Variants in KALRN observed in about 807,000 individuals in gnomAD.
The protein encoded by KALRN is kalirin.
KALRN carries 70 observed loss-of-function variants against 353.7 expected under a neutral mutation model. The ratio of observed to expected loss-of-function variants is 0.20; its 90% CI spans 0.16 to 0.24. The LOEUF is 0.24. Ranked by LOEUF, KALRN falls within the 10% of genes least tolerant of loss-of-function variation. The probability of loss-of-function intolerance (pLI) is 1.00; values close to 1 mark genes in which losing one functional copy is unlikely to be tolerated. For missense variants in KALRN, 2,791 were observed against 3,756.7 expected, an observed-to-expected ratio of 0.74 and a Z score of 6.72; for synonymous variants, 1,391 against 1,434.8, an observed-to-expected ratio of 0.97 and a Z score of 0.69.
chr3:124,160,753 C>T (rs113712864), intron 1 of KALRN, among the ~76,000 whole-genome samples: 1 of 152,132 alleles, frequency 6.6e-6, no homozygotes, highest in African/African-American at 2.4e-5. Flanking sequence ...ACACTGGGAG[C>T]CTTCTCTGGA....
chr3:124,196,546 C>A (rs1170752943), intron 1 of KALRN, among the ~76,000 whole-genome samples: 2 of 142,388 alleles, frequency 1.4e-5, no homozygotes, highest in Non-Finnish European at 2.9e-5. Flanking sequence ...GTTGGTCTTT[C>A]TTTTCTTCAT....
chr3:124,669,339 G>GT (rs1449168598), intron 47 of KALRN, among the ~76,000 whole-genome samples: 1 of 152,172 alleles, frequency 6.6e-6, no homozygotes, highest in Non-Finnish European at 1.5e-5. Context: ...ATAAGACACT[G>GT]TATCGATCAG....
At chr3:124,423,325 T>C (rs761640155) in intron 15 of KALRN, among the ~76,000 whole-genome samples, 7 of 152,196 alleles carry the variant, frequency 4.6e-5, no homozygotes, top group Non-Finnish European at 8.8e-5. Flanking sequence ...TCAATAAATA[T>C]ATTTAGGATG....
intron 14 of KALRN, among the ~76,000 whole-genome samples, chr3:124,421,949 C>G (rs2092801406): frequency 6.6e-6 from 1 of 152,140 alleles, no homozygotes; most frequent in Non-Finnish European, 1.5e-5. Flanking sequence ...CTCAAGGCTC[C>G]CATTGTAGGT....
intron 1 of KALRN, among the ~76,000 whole-genome samples, chr3:124,114,936 A>C (rs2063328470): frequency 1.3e-5 from 2 of 152,230 alleles, no homozygotes; most frequent in African/African-American, 4.8e-5. Context: ...TACCCTGTGC[A>C]GGCACTATTA....
At chr3:124,265,958 A>G (rs2073478002) in intron 4 of KALRN, among the ~76,000 whole-genome samples, 1 of 152,054 alleles carries the variant, frequency 6.6e-6, no homozygotes, top group South Asian at 2.1e-4. Context: ...TCTACTAAAA[A>G]TACAAAATTA....
chr3:124,630,213 G>A (rs547423425), intron 34 of KALRN, among the ~76,000 whole-genome samples: 1 of 152,168 alleles, frequency 6.6e-6, no homozygotes, highest in South Asian at 2.1e-4. Flanking sequence ...TTTGCTCAAT[G>A]TGGTTTTCCT....
intron 36 of KALRN, among the ~76,000 whole-genome samples, chr3:124,635,377 G>A (rs1321204522): frequency 6.6e-6 from 1 of 152,126 alleles, no homozygotes; most frequent in Non-Finnish European, 1.5e-5. Context: ...CTCAAACACA[G>A]CTTGTTTACA....
chr3:124,674,522 C>A lies in KALRN; in HGVS notation c.7101C>A (p.Asp2367Glu), dbSNP rs953197853. 7.4e-6 allele frequency: 12 copies of A among 1,613,818 alleles called. No homozygotes were observed. Among genetic ancestry groups the A allele is most frequent in the East Asian group, 6.7e-5 (3 of 44,880 alleles). ...GTCTGGTGTACCAGCCTGCCAGCGA[C>A]CATTCCCCCGCCGCCGAGGGCTGGG... ...NMCLVYQPAS[D>E]HSPAAEGWVP... The change falls in exon 49 of 60, where the codon GAC becomes GAA. Residue 2367 changes from aspartate (D) to glutamate (E), a missense_variant. This residue lies in a region of KALRN where 1,065 missense variants were observed against 1,156.4 expected (regional missense o/e 0.92). Transcript: ENST00000682506.
intron 1 of KALRN, among the ~76,000 whole-genome samples, chr3:124,143,075 A>G (rs1460513359): frequency 6.6e-6 from 1 of 151,920 alleles, no homozygotes; most frequent in African/African-American, 2.4e-5. Context: ...GTGAAAATCT[A>G]TTGGATGATT....
intron 1 of KALRN, among the ~76,000 whole-genome samples, chr3:124,114,754 C>G (rs2063313954): frequency 6.6e-6 from 1 of 152,146 alleles, no homozygotes; most frequent in Admixed American, 6.5e-5. Flanking sequence ...TGAAACTTTT[C>G]AGGGGCTGAG....
At chr3:124,485,073 G>A (rs1412458343) in intron 28 of KALRN, among the ~76,000 whole-genome samples, 1 of 152,148 alleles carries the variant, frequency 6.6e-6, no homozygotes, top group African/African-American at 2.4e-5. Flanking sequence ...TACACCCTGG[G>A]CAACAGGGTG....
In KALRN at chr3:124,413,642, A is replaced by T; in HGVS notation, c.2519A>T (p.Tyr840Phe). The change falls in exon 14 of 60, where the codon TAC becomes TTC. Residue 840 changes from tyrosine to phenylalanine, a missense_variant. Around this residue, in one of 11 missense-constraint regions of KALRN, gnomAD observed 452 missense variants for 575.8 expected, o/e 0.78. Coordinates refer to ENST00000682506, the MANE Select transcript of KALRN (RefSeq NM_001388419.1). ...CAGCAGGGACAGGATCTGCACCAGTACATCACGGAGGTCCAGGCATCAGGT... is the reference window on the plus strand; with the variant it reads ...CAGCAGGGACAGGATCTGCACCAGTTCATCACGGAGGTCCAGGCATCAGGT... ...VIQQGQDLHQYITEVQASGIE... is the reference protein window; with the variant it reads ...VIQQGQDLHQFITEVQASGIE... 1 of 1,613,986 alleles carries T rather than the reference A, an allele frequency of 6.2e-7. No homozygotes were observed. The highest frequency in any genetic ancestry group is 8.5e-7 in the Non-Finnish European group (1 of 1,179,956).
chr3:124,397,805 C>T (rs575273515), intron 12 of KALRN, among the ~76,000 whole-genome samples: 1 of 152,342 alleles, frequency 6.6e-6, no homozygotes, highest in African/African-American at 2.4e-5. Flanking sequence ...TTTCTTCAAA[C>T]CCCCAAATCA....
At chr3:124,291,061 A>G (rs923550471) in intron 5 of KALRN, among the ~76,000 whole-genome samples, 4 of 152,168 alleles carry the variant, frequency 2.6e-5, no homozygotes, top group African/African-American at 9.7e-5. Flanking sequence ...ATCTACTGAG[A>G]ATGATAGAAG....
At chr3:124,649,242 C>T (rs1464487681) in intron 37 of KALRN, among the ~76,000 whole-genome samples, 2 of 152,160 alleles carry the variant, frequency 1.3e-5, no homozygotes, top group African/African-American at 4.8e-5. Flanking sequence ...TGATTTATTT[C>T]TCTGGACCTT....
At chr3:124,304,127 AAC>A (rs3055892) in intron 6 of KALRN, among the ~76,000 whole-genome samples, 11,012 of 147,408 alleles carry the variant, frequency 0.075, 434 homozygotes, top group Middle Eastern at 0.1. Context: ...TTTTGTTGTA[AAC>A]ACACACACAC....
chr3:124,336,232 G>A (rs1372892671), intron 9 of KALRN, among the ~76,000 whole-genome samples: 1 of 152,178 alleles, frequency 6.6e-6, no homozygotes, highest in East Asian at 1.9e-4. Flanking sequence ...CTACTGATGT[G>A]CTGGCTGCAG....
chr3:124,152,302 T>C, intron 1 of KALRN: 1 of 1,208,156 alleles, frequency 8.3e-7, no homozygotes, highest in Non-Finnish European at 1.2e-6. Flanking sequence ...CCTCAGCATA[T>C]TAATTGAAGT....
Sources: gnomAD v4.1 joint callset for allele counts (sites outside exome capture counted in the v4.1 genomes callset) on GRCh38, gnomAD v4.1.1 for gene constraint, gnomAD v4.1.1 regional missense constraint, MANE v1.5 for transcripts, NCBI Gene and HGNC (gene_info 2026-07-23, HGNC 2026-07-21) for gene names.